UNC80: variants seen among roughly 807,000 people sequenced by gnomAD.
UNC80 encodes unc-80 subunit of NALCN channel complex, also known as protein unc-80 homolog.
In UNC80, 164 loss-of-function variants were observed where a neutral mutation model predicts 384.6. The ratio of observed to expected loss-of-function variants is 0.43; its 90% CI spans 0.38 to 0.49. The LOEUF (loss-of-function observed/expected upper bound fraction) is 0.49. UNC80 is among the 20% of genes least tolerant of loss of function. The pLI is 0.00. For synonymous variants in UNC80, 1,486 were observed against 1,527.8 expected (o/e 0.97, Z 0.64); for missense variants, 3,330 against 4,143.0 (o/e 0.80, Z 5.39).
At chr2:209,873,538 T>C (rs535643823) in intron 23 of UNC80, among the ~76,000 whole-genome samples, 1 of 152,322 alleles carries the variant, frequency 6.6e-6, no homozygotes, top group African/African-American at 2.4e-5. Flanking sequence ...TAAAAGTGAA[T>C]GAATGAAACT....
At chr2:209,935,578 T>A in intron 39 of UNC80, 136 bp from the exon 40 acceptor site, 1 of 363,812 alleles carries the variant, frequency 2.7e-6, no homozygotes, top group Non-Finnish European at 4.9e-6. Context: ...AAATAAAATA[T>A]ATATGTAACT....
At chr2:209,856,761 CTTATTTAT>C (rs140456629) in intron 22 of UNC80, among the ~76,000 whole-genome samples, 24,373 of 149,682 alleles carry the variant, frequency 0.16, 2,547 homozygotes, top group African/African-American at 0.29. Context: ...TTTTTGTTTA[CTTATTTAT>C]TTATTTATTT....
chr2:209,804,758 T>G (rs546485508), intron 7 of UNC80, among the ~76,000 whole-genome samples: 24 of 47,234 alleles, frequency 5.1e-4, no homozygotes, highest in Non-Finnish European at 7.0e-4. Context: ...GAGAGTTTTT[T>G]TTTTGTTTTG....
Position 209,995,840 on chromosome 2 carries a change from G to T in UNC80, c.*245G>T. The T allele has an allele frequency of 2.2e-6, 1 of 447,854 alleles. No individual in the cohort carries two copies. Among genetic ancestry groups the T allele is most frequent in the South Asian group, 2.5e-5 (1 of 40,482 alleles). 27.7% of individuals were successfully genotyped at this position (447,854 alleles called of 1,614,324 possible). On this transcript the variant is annotated 3_prime_UTR_variant, in exon 65 of 65. Coordinates refer to ENST00000673920, the MANE Select transcript of UNC80 (RefSeq NM_001371986.1). ...AACCAGGGAGGAATAAGGGGAAAGA[G>T]CCATTTCACTGCACATTGTTTATGA...
At chr2:209,909,647 G>T (rs899983297) in intron 29 of UNC80, among the ~76,000 whole-genome samples, 2 of 152,096 alleles carry the variant, frequency 1.3e-5, no homozygotes, top group Admixed American at 6.5e-5. Context: ...CCTCTTTTGG[G>T]CCAAACACCA....
intron 1 of UNC80, 87 bp from the exon 2 acceptor site, chr2:209,773,003 CCTGT>C: frequency 9.7e-7 from 1 of 1,033,146 alleles, no homozygotes; most frequent in Non-Finnish European, 1.5e-6. Context: ...TTCATAGCAT[CCTGT>C]CTTATTCATT....
At chr2:209,898,172 A>AT (rs1182037059) in intron 28 of UNC80, among the ~76,000 whole-genome samples, 1 of 151,600 alleles carries the variant, frequency 6.6e-6, no homozygotes, top group Non-Finnish European at 1.5e-5. Context: ...CCAGAACCAG[A>AT]TTTTCATTTT....
At chr2:209,842,225 C>T in intron 20 of UNC80, 125 bp from the exon 21 acceptor site, 1 of 693,772 alleles carries the variant, frequency 1.4e-6, no homozygotes, top group Non-Finnish European at 2.3e-6. Context: ...ATGTGGAAGC[C>T]AGAAGAGCAA....
At chr2:209,857,257 A>G (rs954578078) in intron 22 of UNC80, among the ~76,000 whole-genome samples, 1 of 152,220 alleles carries the variant, frequency 6.6e-6, no homozygotes, top group African/African-American at 2.4e-5. Flanking sequence ...TATACTTGGA[A>G]TTGCATTGAG....
At chr2:209,918,045 T>G in intron 32 of UNC80, 87 bp downstream of exon 32, 1 of 1,260,722 alleles carries the variant, frequency 7.9e-7, no homozygotes. Flanking sequence ...TCACAGTATG[T>G]GGCCAAAGAT....
intron 61 of UNC80, among the ~76,000 whole-genome samples, chr2:209,988,550 TTATAAAA>T (rs1201903453): frequency 2.0e-5 from 3 of 152,190 alleles, no homozygotes; most frequent in Non-Finnish European, 4.4e-5. Flanking sequence ...AAGATATACT[TTATAAAA>T]TATATCCTTT....
intron 55 of UNC80, 68 bp from the exon 56 acceptor site, chr2:209,972,996 T>C: frequency 3.5e-6 from 5 of 1,428,046 alleles, no homozygotes; most frequent in Non-Finnish European, 4.8e-6. Flanking sequence ...TTTTTCTGTA[T>C]CTACTGTGGA....
chr2:209,863,983 G>A (rs945513234), intron 22 of UNC80, among the ~76,000 whole-genome samples: 2 of 151,914 alleles, frequency 1.3e-5, no homozygotes, highest in Non-Finnish European at 2.9e-5. Flanking sequence ...TCTAGTTTCA[G>A]TCTTTGAGGC....
intron 56 of UNC80, among the ~76,000 whole-genome samples, chr2:209,974,728 C>T (rs2125015399): frequency 6.6e-6 from 1 of 152,282 alleles, no homozygotes; most frequent in Non-Finnish European, 1.5e-5. Flanking sequence ...GAGTAACTTG[C>T]CTGAAGGCAT....
chr2:209,820,164 A>G, intron 12 of UNC80, 147 bp from the exon 13 acceptor site: 1 of 1,251,114 alleles, frequency 8.0e-7, no homozygotes, highest in Non-Finnish European at 1.0e-6. Flanking sequence ...AGCAACTTTT[A>G]TAGGAAAATT....
At chr2:209,928,583 T>C (rs2090613598) in intron 36 of UNC80, among the ~76,000 whole-genome samples, 1 of 152,226 alleles carries the variant, frequency 6.6e-6, no homozygotes, top group Non-Finnish European at 1.5e-5. Context: ...ATTTATGGGG[T>C]ACAGTGATAT....
At chr2:209,813,947 G>T in intron 8 of UNC80, 106 bp downstream of exon 8, 2 of 1,378,538 alleles carry the variant, frequency 1.5e-6, no homozygotes, top group Non-Finnish European at 1.9e-6. Context: ...CTGACTTTTT[G>T]GTTGGTGGGT....
intron 28 of UNC80, 83 bp from the exon 29 acceptor site, chr2:209,904,682 T>G (rs1359570088): frequency 1.6e-6 from 2 of 1,215,266 alleles, no homozygotes; most frequent in African/African-American, 3.0e-5. Flanking sequence ...ACATTCTGAC[T>G]TCCCATCTTC....
chr2:209,817,377 A>G (rs1018247655), intron 10 of UNC80, among the ~76,000 whole-genome samples: 9 of 152,166 alleles, frequency 5.9e-5, no homozygotes, highest in Non-Finnish European at 1.3e-4. Flanking sequence ...CATTCTAGAC[A>G]AAGAAACATG....
Sources: gnomAD v4.1 joint callset for allele counts (sites outside exome capture counted in the v4.1 genomes callset) on GRCh38, gnomAD v4.1.1 for gene constraint, MANE v1.5 for transcripts, NCBI Gene and HGNC (gene_info 2026-07-23, HGNC 2026-07-21) for gene names.